PDCD6IP: variants seen among roughly 807,000 people sequenced by gnomAD.
PDCD6IP encodes programmed cell death 6 interacting protein.
A neutral mutation model predicts 103.7 loss-of-function variants in PDCD6IP; 43 were observed. The ratio of observed to expected loss-of-function variants is 0.41; its 90% CI spans 0.32 to 0.53. The LOEUF is 0.53. Among genes scored for constraint, PDCD6IP ranks in the 20% least tolerant of loss-of-function variants. PDCD6IP has a pLI of 0.16. For synonymous variants in PDCD6IP, 354 were observed against 378.7 expected, an observed-to-expected ratio of 0.93 and a Z score of 0.76; for missense variants, 871 against 1,036.7, an observed-to-expected ratio of 0.84 and a Z score of 2.20.
At chr3:33,836,860 A>AAAAT (rs987454911) in intron 8 of PDCD6IP, among the ~76,000 whole-genome samples, 28 of 151,810 alleles carry the variant, frequency 1.8e-4, no homozygotes, top group East Asian at 1.5e-3. Context: ...TCTTTTCTCA[A>AAAAT]AAATAAATAA....
chr3:33,826,789 T>G, intron 6 of PDCD6IP: 1 of 1,316,678 alleles, frequency 7.6e-7, no homozygotes. Context: ...TGTCTTTACC[T>G]TTTACTAAAC....
intron 1 of PDCD6IP, among the ~76,000 whole-genome samples, chr3:33,809,169 T>C (rs1696662584): frequency 6.6e-6 from 1 of 152,176 alleles, no homozygotes; most frequent in Non-Finnish European, 1.5e-5. Context: ...CTTACCACTG[T>C]CTTCTATATA....
chr3:33,842,365 G>A (rs1307096635), intron 10 of PDCD6IP, among the ~76,000 whole-genome samples: 1 of 152,084 alleles, frequency 6.6e-6, no homozygotes, highest in East Asian at 1.9e-4. Context: ...AAACTGTTCA[G>A]TCTTTGTAAT....
At chr3:33,832,459 C>T (rs192169173) in intron 7 of PDCD6IP, among the ~76,000 whole-genome samples, 58 of 152,240 alleles carry the variant, frequency 3.8e-4, no homozygotes, top group Non-Finnish European at 6.6e-4. Flanking sequence ...TTGCCAATAG[C>T]AAAATATAAA....
Position 33,855,099 on chromosome 3 carries a change from G to C in PDCD6IP, c.2026-67G>C, listed in dbSNP as rs535945544. ...AACTATCATTGACAAATTAGCTTTA[G>C]ATCACATTACTCTCTGGATTAAAAA... On this transcript the variant is annotated intron_variant, in intron 14 of 17. Transcript: ENST00000307296. 6.3e-4 allele frequency: 586 copies of C among 927,556 alleles called. 2 individuals are homozygous for C. Among genetic ancestry groups the C allele is most frequent in the Non-Finnish European group, 8.8e-4 (496 of 566,198 alleles). 57.5% of individuals were successfully genotyped at this position (927,556 alleles called of 1,614,324 possible).
intron 10 of PDCD6IP, among the ~76,000 whole-genome samples, chr3:33,843,504 G>A (rs890427118): frequency 7.2e-5 from 11 of 152,086 alleles, no homozygotes; most frequent in East Asian, 1.9e-4. Flanking sequence ...TCTATGTACC[G>A]TAGACTGTGG....
Position 33,868,683 on chromosome 3 carries a change from A to G in PDCD6IP, c.*2158A>G, listed in dbSNP as rs1269173399. The G allele has an allele frequency of 1.3e-5, 2 of 152,226 alleles. No homozygotes were observed. The highest frequency in any genetic ancestry group is 4.8e-5 in the African/African-American group (2 of 41,450). The allele number at this position is 152,226 out of a possible 1,614,324, so 9.4% of individuals were successfully genotyped here. ...ACTGTTGGTTTGGAGTTGGAAGGGT[A>G]CTACTCTGTGATTCAGGTGTGTTGT... On this transcript the variant is annotated 3_prime_UTR_variant, in exon 18 of 18. Coordinates refer to ENST00000307296, the MANE Select transcript of PDCD6IP (RefSeq NM_013374.6).
At chr3:33,856,243 G>A (rs1339439945) in intron 15 of PDCD6IP, among the ~76,000 whole-genome samples, 1 of 152,202 alleles carries the variant, frequency 6.6e-6, no homozygotes, top group African/African-American at 2.4e-5. Flanking sequence ...AAAGGTTGGG[G>A]ACTGCTCCTC....
chr3:33,854,255 T>A (rs1166267749), intron 14 of PDCD6IP, among the ~76,000 whole-genome samples: 1 of 152,196 alleles, frequency 6.6e-6, no homozygotes, highest in Non-Finnish European at 1.5e-5. Flanking sequence ...GTATAAATAT[T>A]CCAGGTAGCA....
intron 16 of PDCD6IP, 47 bp downstream of exon 16, chr3:33,864,176 T>C (rs1383033803): frequency 1.2e-5 from 13 of 1,094,824 alleles, no homozygotes; most frequent in Non-Finnish European, 1.8e-5. Flanking sequence ...ACATTAACGA[T>C]GATTACTTGT....
chr3:33,838,124 G>C, intron 8 of PDCD6IP, 80 bp from the exon 9 acceptor site: 3 of 1,278,554 alleles, frequency 2.3e-6, no homozygotes, highest in Admixed American at 1.9e-5. Flanking sequence ...GTGAATATTG[G>C]AAAGAAAATA....
At chr3:33,820,516 T>C (rs181847877) in intron 3 of PDCD6IP, among the ~76,000 whole-genome samples, 110 of 152,324 alleles carry the variant, frequency 7.2e-4, no homozygotes, top group African/African-American at 2.5e-3. Flanking sequence ...CCAGAACTTT[T>C]TCATCTAGCA....
chr3:33,854,025 A>C lies in PDCD6IP; in HGVS notation c.2025+12A>C, dbSNP rs1437020363. The C allele has an allele frequency of 6.4e-7, 1 of 1,562,100 alleles. No homozygotes were observed. ...AGGAAGGCACAAAGGTATGAAGTAC[A>C]TGCAAAAGGAACCATAGCTAGCAAG... On this transcript the variant is annotated intron_variant, in intron 14 of 17. Coordinates refer to ENST00000307296, the MANE Select transcript of PDCD6IP (RefSeq NM_013374.6).
intron 15 of PDCD6IP, among the ~76,000 whole-genome samples, chr3:33,855,903 G>A (rs9871367): frequency 0.11 from 16,583 of 152,146 alleles, 981 homozygotes; most frequent in African/African-American, 0.14. Context: ...TTCTAAGGCC[G>A]GGGTCCCCAA....
At chr3:33,809,065 T>C (rs1696659994) in intron 1 of PDCD6IP, among the ~76,000 whole-genome samples, 1 of 152,200 alleles carries the variant, frequency 6.6e-6, no homozygotes, top group South Asian at 2.1e-4. Flanking sequence ...CTTTTTTTCA[T>C]GTAGTCAAAT....
chr3:33,845,350 A>T, intron 11 of PDCD6IP, 69 bp from the exon 12 acceptor site: 1 of 1,229,178 alleles, frequency 8.1e-7, no homozygotes, highest in Non-Finnish European at 1.2e-6. Context: ...AGAACTCAAC[A>T]TATAACCAGC....
At chr3:33,812,196 G>A in intron 2 of PDCD6IP, 70 bp downstream of exon 2, 1 of 1,533,612 alleles carries the variant, frequency 6.5e-7, no homozygotes, top group African/African-American at 1.4e-5. Context: ...TATCTTCACT[G>A]TCTTTAGAGT....
chr3:33,822,612 A>G (rs1038882607), intron 4 of PDCD6IP, among the ~76,000 whole-genome samples: 2 of 152,080 alleles, frequency 1.3e-5, no homozygotes, highest in East Asian at 1.9e-4. Flanking sequence ...CGTACTGATC[A>G]TTTACTAATA....
chr3:33,842,854 T>A (rs1029459234), intron 10 of PDCD6IP, among the ~76,000 whole-genome samples: 2 of 152,230 alleles, frequency 1.3e-5, no homozygotes, highest in Non-Finnish European at 2.9e-5. Flanking sequence ...TACAGAATAC[T>A]GAATTGCATT....
Sources: gnomAD v4.1 joint callset for allele counts (sites outside exome capture counted in the v4.1 genomes callset) on GRCh38, gnomAD v4.1.1 for gene constraint, MANE v1.5 for transcripts, NCBI Gene and HGNC (gene_info 2026-07-23, HGNC 2026-07-21) for gene names.